PROSER2: variants seen among roughly 807,000 people sequenced by gnomAD.
The protein encoded by PROSER2 is proline and serine rich 2, also known as proline and serine-rich protein 2.
A neutral mutation model predicts 14.6 loss-of-function variants in PROSER2; 18 were observed. The observed-to-expected ratio is 1.23, with a 90% CI of 0.85 to 1.83. The LOEUF (loss-of-function observed/expected upper bound fraction) is 1.83. PROSER2 is among the 40% of genes most tolerant of loss of function. The pLI, the probability that PROSER2 is intolerant of heterozygous loss-of-function variation, is 0.00. For synonymous variants in PROSER2, 367 were observed against 286.4 expected (o/e 1.28, Z -2.84); for missense variants, 823 against 629.8 (o/e 1.31, Z -3.28).
chr10:11,845,936 G>A (rs1438960624), intron 1 of PROSER2, among the ~76,000 whole-genome samples: 1 of 152,166 alleles, frequency 6.6e-6, no homozygotes, highest in East Asian at 1.9e-4. Flanking sequence ...TGTGAAACAC[G>A]CTCAGCCATT....
chr10:11,858,321 A>G (rs1486900494), intron 2 of PROSER2, among the ~76,000 whole-genome samples: 2 of 152,160 alleles, frequency 1.3e-5, no homozygotes, highest in African/African-American at 4.8e-5. Context: ...ATTTGATTCT[A>G]CCGTTTCTCT....
intron 2 of PROSER2, among the ~76,000 whole-genome samples, chr10:11,853,297 T>A (rs116218583): frequency 0.019 from 2,957 of 152,270 alleles, 84 homozygotes; most frequent in African/African-American, 0.066. Context: ...TGATAAATAT[T>A]ATTTGATTGG....
rs1834489182 is a variant in PROSER2 at position 11,871,538 on chromosome 10, TC to T, written c.*1134del. On this transcript the variant is annotated 3_prime_UTR_variant, in exon 4 of 4. Transcript: ENST00000277570. ...GAAGGAAGCAAAAGATTCTTAAAGA[TC>T]CACCGACTGTCATGTTCCACAAGCA... 6.6e-6 allele frequency: 1 copy of T among 152,196 alleles called. No homozygotes were observed. The highest frequency in any genetic ancestry group is 2.1e-4 in the South Asian group (1 of 4,834). 9.4% of individuals were successfully genotyped at this position (152,196 alleles called of 1,614,324 possible).
Position 11,871,295 on chromosome 10 carries a change from CT to C in PROSER2, c.*891del, listed in dbSNP as rs1247767817. The C allele has an allele frequency of 6.6e-6, 1 of 152,212 alleles. No homozygotes were observed. The highest frequency in any genetic ancestry group is 1.5e-5 in the Non-Finnish European group (1 of 68,044). The allele number at this position is 152,212 out of a possible 1,614,324, so 9.4% of individuals were successfully genotyped here. ...TGATGGATGATACAAGAAATTGTTA[CT>C]TCCTAGTATGGAAGTGTCTTAAGGA... On this transcript the variant is annotated 3_prime_UTR_variant, in exon 4 of 4. Transcript: ENST00000277570.
intron 1 of PROSER2, among the ~76,000 whole-genome samples, chr10:11,849,358 A>C (rs1291816831): frequency 6.6e-6 from 1 of 152,128 alleles, no homozygotes; most frequent in Non-Finnish European, 1.5e-5. Flanking sequence ...AAAAACACGC[A>C]CACTCCCAGC....
intron 1 of PROSER2, among the ~76,000 whole-genome samples, chr10:11,832,415 T>C (rs1833700647): frequency 6.6e-6 from 1 of 152,352 alleles, no homozygotes. Context: ...AGCCTCTGTA[T>C]TTCTGTGGAG....
At position 11,870,415 on chromosome 10, in the gene PROSER2, C is replaced by T; in HGVS notation, c.*9C>T. ...TCAGGGAGAGTTCGTGAGGGCCGCG[C>T]GGGCTCCAGTCCACCCCGTTTCTCC... On this transcript the variant is annotated 3_prime_UTR_variant, in exon 4 of 4. Coordinates refer to ENST00000277570, the MANE Select transcript of PROSER2 (RefSeq NM_153256.4). 1.4e-6 allele frequency: 2 copies of T among 1,477,848 alleles called. No homozygotes were observed. The highest frequency in any genetic ancestry group is 8.9e-7 in the Non-Finnish European group (1 of 1,117,484). The allele number at this position is 1,477,848 out of a possible 1,614,324, so 91.5% of individuals were successfully genotyped here.
At chr10:11,846,481 T>C (rs1347464067) in intron 1 of PROSER2, among the ~76,000 whole-genome samples, 1 of 152,250 alleles carries the variant, frequency 6.6e-6, no homozygotes, top group East Asian at 1.9e-4. Flanking sequence ...TGTCATTCTC[T>C]CTCTAGCTAT....
rs1172435063 is a variant in PROSER2, at chr10:11,866,496, T to C, written c.139-35T>C. On this transcript the variant is annotated intron_variant, in intron 2 of 3. Transcript: ENST00000277570. The surrounding 1 kb of genome is among the most constrained non-coding windows in gnomAD (Gnocchi z 6.0). ...GTCTCTTTAGTGAAGCCAGTGTTTG[T>C]TTTCTCTCTTCTGTTCCCAATCCCT... 6.2e-7 allele frequency: 1 copy of C among 1,606,624 alleles called. No homozygotes were observed. Among genetic ancestry groups the C allele is most frequent in the Admixed American group, 1.7e-5 (1 of 59,310 alleles).
chr10:11,870,008 GAGGGGGCCCC>G lies in PROSER2; in HGVS notation c.918_927del (p.Pro307AlafsTer43). ...CTTCCCCGCCGCGGGGGACGCCGGC[GAGGGGGCCCC>G]AGGGGGCGGCTCCTCCCCGGAGCGG... On this transcript the variant is annotated frameshift_variant, in exon 4 of 4. Coordinates refer to ENST00000277570, the MANE Select transcript of PROSER2 (RefSeq NM_153256.4). LOFTEE classifies it low-confidence loss of function (END_TRUNC). The G allele has an allele frequency of 8.0e-7, 1 of 1,249,600 alleles. No individual in the cohort carries two copies. Among genetic ancestry groups the G allele is most frequent in the South Asian group, 3.0e-5 (1 of 32,920 alleles). 77.4% of individuals were successfully genotyped at this position (1,249,600 alleles called of 1,614,324 possible).
chr10:11,861,350 C>T (rs1232274070), intron 2 of PROSER2, among the ~76,000 whole-genome samples: 2 of 152,180 alleles, frequency 1.3e-5, no homozygotes, highest in Non-Finnish European at 2.9e-5. Flanking sequence ...CTCACCTTGT[C>T]ATAGGAGTTC....
chr10:11,859,351 C>T (rs905596122), intron 2 of PROSER2, among the ~76,000 whole-genome samples: 1 of 152,116 alleles, frequency 6.6e-6, no homozygotes, highest in East Asian at 1.9e-4. Flanking sequence ...TTGCATGAAC[C>T]AGGAGGCGGA....
chr10:11,846,683 G>T (rs1833927532), intron 1 of PROSER2, among the ~76,000 whole-genome samples: 1 of 152,230 alleles, frequency 6.6e-6, no homozygotes, highest in African/African-American at 2.4e-5. Context: ...AAACAGCTTT[G>T]AACAGGCCGG....
At chr10:11,846,496 G>T (rs1209420547) in intron 1 of PROSER2, among the ~76,000 whole-genome samples, 1 of 152,062 alleles carries the variant, frequency 6.6e-6, no homozygotes, top group Non-Finnish European at 1.5e-5. Context: ...AGCTATATTT[G>T]ATCTTCTGTT....
intron 2 of PROSER2, among the ~76,000 whole-genome samples, chr10:11,855,123 C>A (rs1010125796): frequency 7.0e-6 from 1 of 142,626 alleles, no homozygotes; most frequent in Non-Finnish European, 1.5e-5. Flanking sequence ...AAGAAAACCT[C>A]GTTCTCATTT....
At position 11,866,389 on chromosome 10, in the gene PROSER2, G is replaced by C; in HGVS notation, c.139-142G>C. 1 of 921,656 alleles carries C rather than the reference G, an allele frequency of 1.1e-6. No individual in the cohort carries two copies. Among genetic ancestry groups the C allele is most frequent in the South Asian group, 1.6e-5 (1 of 62,764 alleles). The allele number at this position is 921,656 out of a possible 1,614,324, so 57.1% of individuals were successfully genotyped here. A position where few individuals can be genotyped will look rare whatever the true frequency, so the allele number is the denominator to read the frequency against. ...TCTGGGTGATGGAGAGGCACACGCA[G>C]GCACTGTGTGGCAGGGTACTCTCGG... On this transcript the variant is annotated intron_variant, in intron 2 of 3. Transcript: ENST00000277570. The surrounding 1 kb of genome is among the most constrained non-coding windows in gnomAD (Gnocchi z 6.0).
At chr10:11,832,205 C>T (rs1280978777) in intron 1 of PROSER2, among the ~76,000 whole-genome samples, 1 of 152,138 alleles carries the variant, frequency 6.6e-6, no homozygotes, top group Non-Finnish European at 1.5e-5. Context: ...TTTCAAACTC[C>T]AGAACAAAAC....
rs1407866494 is a variant in PROSER2 at position 11,837,069 on chromosome 10, G to T, written c.-82+13599G>T. ...TCTCAGATCAGCTGTCTATGTGGCC[G>T]TGCTTATGTTCAAGTCACTTTTATT... On this transcript the variant is annotated intron_variant, in intron 1 of 3. Coordinates refer to ENST00000277570, the MANE Select transcript of PROSER2 (RefSeq NM_153256.4). This position sits in a 1 kb window ranked among gnomAD's most constrained non-coding sequence, Gnocchi z 4.6. Among the ~76,000 whole-genome samples, 2 of 152,138 alleles carry T rather than the reference G, an allele frequency of 1.3e-5. No individual in the cohort carries two copies. The highest frequency in any genetic ancestry group is 1.5e-5 in the Non-Finnish European group (1 of 68,028).
intron 1 of PROSER2, among the ~76,000 whole-genome samples, chr10:11,842,558 T>C (rs1301445591): frequency 6.6e-6 from 1 of 152,178 alleles, no homozygotes; most frequent in Non-Finnish European, 1.5e-5. Flanking sequence ...GCTGTCACTG[T>C]GGTGTGTTTC....
Sources: allele counts gnomAD v4.1 joint callset (sites outside exome capture counted in the v4.1 genomes callset), GRCh38; gene constraint gnomAD v4.1.1; non-coding constraint Gnocchi (gnomAD v3.1); transcripts MANE v1.5; gene names NCBI Gene and HGNC (gene_info 2026-07-23, HGNC 2026-07-21).